The following TANGO6 variants were observed in gnomAD, a reference collection of about 807,000 sequenced individuals.
TANGO6 encodes the protein transport and golgi organization 6 homolog, also known as transport and Golgi organization protein 6 homolog.
A neutral mutation model predicts 114.2 loss-of-function variants in TANGO6; 90 were observed. That is an observed-to-expected ratio of 0.79 (90% CI 0.66 to 0.94). TANGO6 has a LOEUF of 0.94. TANGO6 is among the 40% of genes least tolerant of loss of function. The probability of loss-of-function intolerance (pLI) is 0.00; values close to 1 mark genes in which losing one functional copy is unlikely to be tolerated. For missense variants in TANGO6, 1,274 were observed against 1,315.3 expected, an observed-to-expected ratio of 0.97 and a Z score of 0.49; for synonymous variants, 477 against 509.8, an observed-to-expected ratio of 0.94 and a Z score of 0.87.
chr16:68,845,163 T>C (rs992726939), intron 1 of TANGO6, among the ~76,000 whole-genome samples: 10 of 152,174 alleles, frequency 6.6e-5, no homozygotes, highest in African/African-American at 1.9e-4. Flanking sequence ...AGACGGAGTT[T>C]TGCCATGTTG....
chr16:68,904,911 C>G (rs1962829838), intron 9 of TANGO6, among the ~76,000 whole-genome samples: 1 of 152,062 alleles, frequency 6.6e-6, no homozygotes, highest in Non-Finnish European at 1.5e-5. Flanking sequence ...CCAGCCTGGG[C>G]AACATAGCGA....
chr16:69,009,074 T>C (rs1041239456), intron 15 of TANGO6, among the ~76,000 whole-genome samples: 5 of 100,414 alleles, frequency 5.0e-5, no homozygotes, highest in Non-Finnish European at 6.9e-5. Flanking sequence ...GTTTATTTCT[T>C]TTTTTTTTTT....
chr16:68,868,107 G>A (rs1962208781), intron 4 of TANGO6: 1 of 149,800 alleles, frequency 6.7e-6, no homozygotes, highest in African/African-American at 2.5e-5. Context: ...TCATGGCACT[G>A]CATTCCAGCC....
rs113437190 is a variant in TANGO6, at chr16:68,926,700, G to T, written c.2128-868G>T. On this transcript the variant is annotated intron_variant, in intron 12 of 17. Coordinates refer to ENST00000261778, the MANE Select transcript of TANGO6 (RefSeq NM_024562.2). ...ATGCCACCATGCCCAGCTGATTTTT[G>T]TATTTTTAGTAGAGGTGGGGTTTCG... Among the ~76,000 whole-genome samples the T allele has an allele frequency of 9.3e-3, 1,404 of 151,428 alleles. 9 individuals are homozygous for T. Among genetic ancestry groups the T allele is most frequent in the South Asian group, 0.019 (89 of 4,770 alleles).
chr16:68,968,029 A>C (rs1963662658), intron 14 of TANGO6, among the ~76,000 whole-genome samples: 2 of 152,180 alleles, frequency 1.3e-5, no homozygotes, highest in Non-Finnish European at 1.5e-5. Context: ...GTTATTTTAC[A>C]AAGTTGACAG....
chr16:68,944,073 T>C (rs749834270), intron 14 of TANGO6, among the ~76,000 whole-genome samples: 19 of 152,198 alleles, frequency 1.2e-4, no homozygotes, highest in Non-Finnish European at 2.1e-4. Context: ...TCCCTTGAGA[T>C]ATGAGTCTTA....
chr16:68,884,133 C>T (rs944778634), intron 7 of TANGO6, among the ~76,000 whole-genome samples: 2 of 152,186 alleles, frequency 1.3e-5, no homozygotes, highest in East Asian at 1.9e-4. Context: ...TGGTCTCAAA[C>T]TCCTGACCTC....
intron 7 of TANGO6, chr16:68,900,195 C>G (rs931417354): frequency 2.5e-5 from 11 of 444,278 alleles, no homozygotes; most frequent in Admixed American, 4.0e-5. Context: ...CTATTCTGGG[C>G]AGTTCTAGGG....
intron 14 of TANGO6, among the ~76,000 whole-genome samples, chr16:68,943,295 G>T (rs367642315): frequency 6.8e-6 from 1 of 147,238 alleles, no homozygotes; most frequent in East Asian, 2.0e-4. Context: ...TTGAGACAGG[G>T]TCTTACCTTG....
intron 9 of TANGO6, among the ~76,000 whole-genome samples, chr16:68,905,971 A>C (rs1389886490): frequency 6.6e-6 from 1 of 152,036 alleles, no homozygotes; most frequent in African/African-American, 2.4e-5. Flanking sequence ...ACGAGGTCAG[A>C]AGTTCGAGAC....
chr16:68,909,457 G>A lies in TANGO6; in HGVS notation c.1992+55G>A, dbSNP rs754632694. Reference sequence around the variant, plus strand: ...CCTTTTTTTCTTTCCAAAAAATAAAGTTTAAAAATGTTGCTGAGAGTGTGA... The same window carrying A: ...CCTTTTTTTCTTTCCAAAAAATAAAATTTAAAAATGTTGCTGAGAGTGTGA... On this transcript the variant is annotated intron_variant, in intron 11 of 17. Coordinates refer to ENST00000261778, the MANE Select transcript of TANGO6 (RefSeq NM_024562.2). 13 of 1,409,516 alleles carry A rather than the reference G, an allele frequency of 9.2e-6. No homozygotes were observed. In the East Asian group the frequency reaches 3.1e-4, roughly 33 times the overall value. 87.3% of individuals were successfully genotyped at this position (1,409,516 alleles called of 1,614,324 possible).
intron 15 of TANGO6, among the ~76,000 whole-genome samples, chr16:68,994,515 C>A (rs1351855714): frequency 6.6e-6 from 1 of 151,988 alleles, no homozygotes; most frequent in Non-Finnish European, 1.5e-5. Flanking sequence ...AAGCAGGTAG[C>A]AGATATACTA....
chr16:69,054,450 TG>T (rs1567566902), intron 17 of TANGO6, among the ~76,000 whole-genome samples: 1 of 152,206 alleles, frequency 6.6e-6, no homozygotes, highest in African/African-American at 2.4e-5. Flanking sequence ...TGAGATTCTG[TG>T]GTACGTTAGG....
rs561241552 is a variant in TANGO6 at position 68,894,455 on chromosome 16, A to G, written c.1378-5979A>G. On this transcript the variant is annotated intron_variant, in intron 7 of 17. Transcript: ENST00000261778. ...TACTGGAAAACTTGGTATTAATAGAAGGGAGCTGTATAAGTAGGAGGAAGG... is the reference window on the plus strand; with the variant it reads ...TACTGGAAAACTTGGTATTAATAGAGGGGAGCTGTATAAGTAGGAGGAAGG... Among the ~76,000 whole-genome samples the G allele has an allele frequency of 6.9e-4, 105 of 152,180 alleles. 1 individual carries two copies. The highest frequency in any genetic ancestry group is 2.3e-3 in the African/African-American group (96 of 41,514).
chr16:68,986,009 G>T (rs545016604), intron 15 of TANGO6, among the ~76,000 whole-genome samples: 1 of 152,218 alleles, frequency 6.6e-6, no homozygotes, highest in African/African-American at 2.4e-5. Flanking sequence ...GGGGAGAGAG[G>T]GACTGAGGGA....
intron 15 of TANGO6, among the ~76,000 whole-genome samples, chr16:68,982,723 C>G (rs924091964): frequency 1.4e-5 from 2 of 147,024 alleles, no homozygotes; most frequent in Non-Finnish European, 3.0e-5. Context: ...CCTCCCACCT[C>G]GGCCTCCCAA....
chr16:68,851,401 G>A (rs1339192236), intron 1 of TANGO6, among the ~76,000 whole-genome samples: 1 of 151,976 alleles, frequency 6.6e-6, no homozygotes, highest in Non-Finnish European at 1.5e-5. Context: ...CTTGTGATCC[G>A]CCCACCTCGG....
Position 69,083,777 on chromosome 16 carries a change from G to A in TANGO6, c.*116G>A, listed in dbSNP as rs561781046. ...AGTGCTGGCAGCATGGCTGACCCTC[G>A]GGGTGGTTTTATGGTGCAGGTCACT... On this transcript the variant is annotated 3_prime_UTR_variant, in exon 18 of 18. Coordinates refer to ENST00000261778, the MANE Select transcript of TANGO6 (RefSeq NM_024562.2). 9 of 1,257,044 alleles carry A rather than the reference G, an allele frequency of 7.2e-6. No individual in the cohort carries two copies. Among genetic ancestry groups the A allele is most frequent in the Non-Finnish European group, 9.7e-6 (9 of 926,582 alleles). 77.9% of individuals were successfully genotyped at this position (1,257,044 alleles called of 1,614,324 possible). A position where few individuals can be genotyped will look rare whatever the true frequency, so the allele number is the denominator to read the frequency against.
intron 3 of TANGO6, among the ~76,000 whole-genome samples, chr16:68,865,217 A>G (rs1962157474): frequency 6.6e-6 from 1 of 150,900 alleles, no homozygotes; most frequent in African/African-American, 2.4e-5. Context: ...CGGAGGTTGC[A>G]GTGAGCCCAG....
Sources: allele counts gnomAD v4.1 joint callset (sites outside exome capture counted in the v4.1 genomes callset), GRCh38; gene constraint gnomAD v4.1.1; transcripts MANE v1.5; gene names NCBI Gene and HGNC (gene_info 2026-07-23, HGNC 2026-07-21).